Variants in ASIC2 observed in about 807,000 individuals in gnomAD.
The protein encoded by ASIC2 is acid-sensing ion channel 2.
Under a neutral mutation model 57.3 loss-of-function variants are expected in ASIC2, and 25 were observed. The observed-to-expected ratio is 0.44, with a 90% CI of 0.32 to 0.61. The LOEUF (loss-of-function observed/expected upper bound fraction) is 0.61. Among genes scored for constraint, ASIC2 ranks in the 20% least tolerant of loss-of-function variants. The probability of loss-of-function intolerance (pLI) is 0.06; values close to 1 mark genes in which losing one functional copy is unlikely to be tolerated. For synonymous variants in ASIC2, 319 were observed against 307.5 expected (o/e 1.04, Z -0.39); for missense variants, 641 against 738.1 (o/e 0.87, Z 1.52).
chr17:34,146,478 G>C (rs567437028), intron 1 of ASIC2, among the ~76,000 whole-genome samples: 1 of 152,140 alleles, frequency 6.6e-6, no homozygotes, highest in East Asian at 1.9e-4. Context: ...GGAAGGTAGG[G>C]CGGGGGAAAA....
At position 33,378,009 on chromosome 17, in the gene ASIC2, C is replaced by A. The variant is rs142447807; in HGVS notation, c.556-265942G>T. Among the ~76,000 whole-genome samples, 651 of 152,352 alleles carry A rather than the reference C, an allele frequency of 4.3e-3. 5 individuals carry two copies. The highest frequency in any genetic ancestry group is 0.015 in the African/African-American group (614 of 41,580). On this transcript the variant is annotated intron_variant, in intron 1 of 9. Coordinates refer to the ASIC2 transcript ENST00000359872. Reference sequence around the variant, plus strand: ...AATAACAGGTCCCTTCTCACCACGACTGCTCAGCAGATACCCCCTGGTAGG... The same window carrying A: ...AATAACAGGTCCCTTCTCACCACGAATGCTCAGCAGATACCCCCTGGTAGG...
chr17:33,839,620 A>G (rs1913373171), intron 1 of ASIC2, among the ~76,000 whole-genome samples: 1 of 152,110 alleles, frequency 6.6e-6, no homozygotes, highest in Non-Finnish European at 1.5e-5. Flanking sequence ...TTAGCACTGA[A>G]AGCCTTGTGC....
chr17:33,493,475 C>T (rs907599755), intron 1 of ASIC2, among the ~76,000 whole-genome samples: 1 of 152,286 alleles, frequency 6.6e-6, no homozygotes. Flanking sequence ...CTTTTTGACC[C>T]TCTGTAGCTT....
At chr17:33,707,860 C>T (rs6505374) in intron 1 of ASIC2, among the ~76,000 whole-genome samples, 2 of 151,942 alleles carry the variant, frequency 1.3e-5, no homozygotes, top group Non-Finnish European at 2.9e-5. Context: ...TTTTAAAGGA[C>T]GATCAACTGA....
At chr17:34,001,911 TC>T (rs1249660598) in intron 1 of ASIC2, 1 of 152,240 alleles carries the variant, frequency 6.6e-6, no homozygotes, top group East Asian at 1.9e-4. Context: ...TTCTGAAAAC[TC>T]CTATCCCTTC....
At chr17:33,063,493 C>A (rs1018449490) in intron 3 of ASIC2, among the ~76,000 whole-genome samples, 1 of 151,992 alleles carries the variant, frequency 6.6e-6, no homozygotes, top group African/African-American at 2.4e-5. Context: ...ATTGGCCCCC[C>A]CTCTCTTCTG....
rs1263547922 is a variant in ASIC2, at chr17:33,352,133, C to A, written c.556-240066G>T. On this transcript the variant is annotated intron_variant, in intron 1 of 9. Transcript: ENST00000359872. ...CAGCTACAAATGCCACCCCTCTGAG[C>A]ATGGTTCCTCAGTCTCTATCTGTAG... Among the ~76,000 whole-genome samples, 4 of 152,136 alleles carry A rather than the reference C, an allele frequency of 2.6e-5. No homozygotes were observed. In the South Asian group the frequency reaches 8.3e-4, roughly 32 times the overall value.
chr17:33,279,923 C>T (rs1174717044), intron 1 of ASIC2, among the ~76,000 whole-genome samples: 1 of 152,120 alleles, frequency 6.6e-6, no homozygotes, highest in Non-Finnish European at 1.5e-5. Context: ...AGGCACAGAG[C>T]CATGTATATA....
chr17:33,875,329 T>C (rs1179417251), intron 1 of ASIC2, among the ~76,000 whole-genome samples: 1 of 152,252 alleles, frequency 6.6e-6, no homozygotes, highest in African/African-American at 2.4e-5. Context: ...AGAATACTGC[T>C]GGCCAATTTC....
intron 1 of ASIC2, among the ~76,000 whole-genome samples, chr17:33,365,725 A>T (rs1193123356): frequency 6.6e-6 from 1 of 152,236 alleles, no homozygotes; most frequent in East Asian, 1.9e-4. Context: ...ACTTAAAAAA[A>T]AAACCTTACT....
intron 1 of ASIC2, among the ~76,000 whole-genome samples, chr17:33,505,504 C>T (rs553224532): frequency 3.9e-5 from 6 of 152,218 alleles, no homozygotes; most frequent in Admixed American, 2.0e-4. Context: ...ATTCTCAATC[C>T]CTCCCGCTGT....
chr17:33,964,870 A>G (rs1035857818), intron 1 of ASIC2, among the ~76,000 whole-genome samples: 3 of 152,148 alleles, frequency 2.0e-5, no homozygotes, highest in African/African-American at 4.8e-5. Flanking sequence ...GCCTTGGGGA[A>G]AGTTGCTGTT....
intron 1 of ASIC2, among the ~76,000 whole-genome samples, chr17:33,194,739 C>G (rs1043307065): frequency 7.9e-5 from 12 of 152,140 alleles, no homozygotes; most frequent in African/African-American, 2.4e-4. Flanking sequence ...CAGCTCAACT[C>G]TATCACACCC....
At chr17:33,515,829 C>G (rs1475678636) in intron 1 of ASIC2, among the ~76,000 whole-genome samples, 1 of 152,192 alleles carries the variant, frequency 6.6e-6, no homozygotes, top group Non-Finnish European at 1.5e-5. Context: ...GGTGCGGTGG[C>G]TCACGCCTGT....
At chr17:33,859,937 G>A (rs1303788220) in intron 1 of ASIC2, among the ~76,000 whole-genome samples, 1 of 152,168 alleles carries the variant, frequency 6.6e-6, no homozygotes, top group Admixed American at 6.5e-5. Context: ...CTTCTGCCTT[G>A]AATCTCAAAG....
chr17:33,960,986 A>G (rs1044446004), intron 1 of ASIC2, among the ~76,000 whole-genome samples: 1 of 152,216 alleles, frequency 6.6e-6, no homozygotes, highest in African/African-American at 2.4e-5. Flanking sequence ...AATGCAGGCA[A>G]CCCTAAGTAC....
chr17:33,898,220 C>CTTTT (rs771624171), intron 1 of ASIC2, among the ~76,000 whole-genome samples: 3,382 of 66,038 alleles, frequency 0.051, 1,002 homozygotes, highest in African/African-American at 0.076. Flanking sequence ...CATGTATAAT[C>CTTTT]TTTTTTTTTT....
chr17:33,956,315 T>A (rs1278955007), intron 1 of ASIC2, among the ~76,000 whole-genome samples: 3 of 152,174 alleles, frequency 2.0e-5, no homozygotes, highest in Admixed American at 2.0e-4. Flanking sequence ...TGAGAGAGGC[T>A]GTAGCAAGGC....
intron 1 of ASIC2, among the ~76,000 whole-genome samples, chr17:33,305,537 C>T (rs1030352269): frequency 6.6e-5 from 10 of 152,118 alleles, no homozygotes; most frequent in African/African-American, 2.4e-4. Flanking sequence ...GAAGGCAAAA[C>T]AACTAAAAAA....
Sources: gnomAD v4.1 joint callset for allele counts (sites outside exome capture counted in the v4.1 genomes callset) on GRCh38, gnomAD v4.1.1 for gene constraint, MANE v1.5 for transcripts, NCBI Gene and HGNC (gene_info 2026-07-23, HGNC 2026-07-21) for gene names.